SERPINB12: variants seen among roughly 807,000 people sequenced by gnomAD.
SERPINB12 encodes the protein serpin B12.
Under a neutral mutation model 41.1 loss-of-function variants are expected in SERPINB12, and 57 were observed. The observed-to-expected ratio is 1.39, with a 90% confidence interval of 1.12 to 1.73. The LOEUF is 1.73. SERPINB12 is among the 40% of genes most tolerant of loss of function. SERPINB12 has a pLI of 0.00. For missense variants in SERPINB12, 536 were observed against 501.9 expected, an observed-to-expected ratio of 1.07 and a Z score of -0.65; for synonymous variants, 180 against 181.3, an observed-to-expected ratio of 0.99 and a Z score of 0.06.
In SERPINB12 at chr18:63,566,806, A is replaced by G. The variant is rs11664907; in HGVS notation, c.1073A>G (p.Asn358Ser). Residue 358 changes from asparagine (N) to serine (S), a missense_variant, in exon 8 of 8, where the codon AAT (asparagine) becomes AGT (serine). By Grantham distance (46) the Asn-to-Ser change is conservative. Coordinates refer to ENST00000382768, the MANE Select transcript of SERPINB12 (RefSeq NM_001307928.2). ...ADLTGISPSPNLYLSKIIHKT... is the reference protein window; with the variant it reads ...ADLTGISPSPSLYLSKIIHKT... ...CTTACTGGAATCTCTCCAAGTCCCA[A>G]TTTGTACTTGTCAAAAATTATCCAC... is the stretch of plus-strand genomic sequence containing the variant. 2,449 of 1,614,136 alleles carry G rather than the reference A, an allele frequency of 1.5e-3. 3 individuals carry two copies. The highest frequency in any genetic ancestry group is 1.9e-3 in the Non-Finnish European group (2,223 of 1,180,020).
intron 5 of SERPINB12, among the ~76,000 whole-genome samples, chr18:63,562,935 A>C (rs986841912): frequency 6.6e-6 from 1 of 152,160 alleles, no homozygotes; most frequent in African/African-American, 2.4e-5. Flanking sequence ...TAAAGGTGGG[A>C]TATTGCCCGC....
chr18:63,551,792 A>G (rs1910538079), intron 1 of SERPINB12, among the ~76,000 whole-genome samples: 1 of 152,216 alleles, frequency 6.6e-6, no homozygotes, highest in Non-Finnish European at 1.5e-5. Context: ...ATTTCTTGCT[A>G]AAGTGGTCCT....
the SERPINB12 span, among the ~76,000 whole-genome samples, chr18:63,522,348 A>G: frequency 1.3e-5 from 2 of 152,236 alleles, no homozygotes; most frequent in African/African-American, 4.8e-5. Context: ...TAGAAAAATA[A>G]GAACATTCAC....
At chr18:63,553,029 G>A (rs537594570) in intron 1 of SERPINB12, among the ~76,000 whole-genome samples, 44 of 152,130 alleles carry the variant, frequency 2.9e-4, no homozygotes, top group African/African-American at 9.9e-4. Context: ...TCCCTTGGGA[G>A]GTGAGGCAGC....
intron 6 of SERPINB12, among the ~76,000 whole-genome samples, chr18:63,564,962 G>A (rs997186890): frequency 3.9e-5 from 6 of 152,190 alleles, no homozygotes; most frequent in African/African-American, 1.4e-4. Context: ...GAGGAGGGAG[G>A]ATCAGTTGAG....
At chr18:63,526,644 T>G in the SERPINB12 span, among the ~76,000 whole-genome samples, 1 of 152,252 alleles carries the variant, frequency 6.6e-6, no homozygotes, top group Non-Finnish European at 1.5e-5. Flanking sequence ...GATAATCTTA[T>G]GAAGGCTGTG....
chr18:63,555,994 G>A lies in SERPINB12; in HGVS notation c.-18-148G>A, dbSNP rs115686560. Among the ~76,000 whole-genome samples the A allele has an allele frequency of 4.1e-3, 631 of 152,260 alleles. 5 individuals are homozygous for A. The highest frequency in any genetic ancestry group is 0.015 in the African/African-American group (606 of 41,556). On this transcript the variant is annotated intron_variant, in intron 1 of 7. Transcript: ENST00000382768. ...ATATCAACACCAATATTTATATACA[G>A]GGATGATAATGACCTTAGTTTTCCA... is the stretch of plus-strand genomic sequence containing the variant.
the SERPINB12 span, among the ~76,000 whole-genome samples, chr18:63,519,560 G>T: frequency 1.3e-5 from 2 of 152,118 alleles, no homozygotes; most frequent in East Asian, 3.9e-4. Flanking sequence ...CCAATGGACT[G>T]CCCTCCTAGC....
the SERPINB12 span, among the ~76,000 whole-genome samples, chr18:63,536,753 A>G: frequency 1.3e-5 from 2 of 152,164 alleles, no homozygotes; most frequent in Non-Finnish European, 2.9e-5. Flanking sequence ...TGTATTTTAT[A>G]TACATAAATT....
At chr18:63,531,080 C>G in the SERPINB12 span, among the ~76,000 whole-genome samples, 1 of 152,136 alleles carries the variant, frequency 6.6e-6, no homozygotes, top group Admixed American at 6.6e-5. Flanking sequence ...AACATTGTAG[C>G]CTGAAGAGTG....
chr18:63,562,874 A>G (rs963642911), intron 5 of SERPINB12, among the ~76,000 whole-genome samples: 5 of 152,218 alleles, frequency 3.3e-5, no homozygotes, highest in African/African-American at 7.2e-5. Flanking sequence ...GACATCTGCA[A>G]ATATTCAAGT....
intron 1 of SERPINB12, among the ~76,000 whole-genome samples, chr18:63,546,322 T>A (rs1435859393): frequency 1.3e-5 from 2 of 152,210 alleles, no homozygotes; most frequent in Non-Finnish European, 2.9e-5. Flanking sequence ...ACCCTCATGT[T>A]TACAGTCAGT....
rs200732723 is a variant in SERPINB12 at position 63,559,038 on chromosome 18, CTT to C, written c.304-538_304-537del. On this transcript the variant is annotated intron_variant, in intron 3 of 7. Coordinates refer to ENST00000382768, the MANE Select transcript of SERPINB12 (RefSeq NM_001307928.2). ...TCTTTCTTTCTTTCTTTCTTTCTTT[CTT>C]TCTTTCTTTCTTTCTTTCTCTCCTT... 9.9e-4 allele frequency among the ~76,000 whole-genome samples: 34 copies of C among 34,308 alleles called. No homozygotes were observed. The South Asian group carries it at 0.014, about 14-fold the overall frequency. The allele number at this position is 34,308 out of a possible 152,430, so 22.5% of individuals were successfully genotyped here.
Position 63,559,731 on chromosome 18 carries a change from C to T in SERPINB12, c.444+13C>T, listed in dbSNP as rs755045956. 25 of 1,613,356 alleles carry T rather than the reference C, an allele frequency of 1.5e-5. No individual in the cohort carries two copies. Among genetic ancestry groups the T allele is most frequent in the South Asian group, 4.4e-5 (4 of 91,008 alleles). ...CCCAATCTGTCAGGTGAGTTGCACA[C>T]GAATGGTGACTAAAGCTACCATGTA... On this transcript the variant is annotated intron_variant, in intron 4 of 7. Coordinates refer to ENST00000382768, the MANE Select transcript of SERPINB12 (RefSeq NM_001307928.2).
At chr18:63,521,041 C>A in the SERPINB12 span, among the ~76,000 whole-genome samples, 1 of 152,076 alleles carries the variant, frequency 6.6e-6, no homozygotes, top group East Asian at 1.9e-4. Context: ...GAATCAATAC[C>A]AAGGGTGGCA....
the SERPINB12 span, among the ~76,000 whole-genome samples, chr18:63,520,167 G>A: frequency 6.6e-6 from 1 of 152,132 alleles, no homozygotes; most frequent in African/African-American, 2.4e-5. Context: ...TTTCCTTTCG[G>A]TTGGGCCTAC....
chr18:63,546,860 A>T (rs1334275902), intron 1 of SERPINB12, among the ~76,000 whole-genome samples: 1 of 152,142 alleles, frequency 6.6e-6, no homozygotes, highest in African/African-American at 2.4e-5. Context: ...CCACAGAGGG[A>T]GGGGCAAAGT....
In SERPINB12 at chr18:63,561,319, G is replaced by A. The variant is rs935894287; in HGVS notation, c.562+117G>A. The A allele has an allele frequency of 2.3e-5, 15 of 646,522 alleles. No homozygotes were observed. In the East Asian group the frequency reaches 2.5e-4, roughly 11 times the overall value. The allele number at this position is 646,522 out of a possible 1,614,324, so 40.0% of individuals were successfully genotyped here. A position where few individuals can be genotyped will look rare whatever the true frequency, so the allele number is the denominator to read the frequency against. On this transcript the variant is annotated intron_variant, in intron 5 of 7. Transcript: ENST00000382768. ...GGCCAGAGGTTCACATATGTGGACT[G>A]TGTTCAAAGCATGGTTTGCAGAATG...
chr18:63,541,495 T>G (rs1335169443), upstream of SERPINB12, among the ~76,000 whole-genome samples: 1 of 152,156 alleles, frequency 6.6e-6, no homozygotes, highest in Non-Finnish European at 1.5e-5. Flanking sequence ...GCTTTAAGAC[T>G]GCAAATTGAA....
Sources: gnomAD v4.1 joint callset for allele counts (sites outside exome capture counted in the v4.1 genomes callset) on GRCh38, gnomAD v4.1.1 for gene constraint, MANE v1.5 for transcripts, NCBI Gene and HGNC (gene_info 2026-07-23, HGNC 2026-07-21) for gene names.